Variants in SCN7A observed in about 807,000 individuals in gnomAD.
The protein encoded by SCN7A is sodium voltage-gated channel alpha subunit 7.
SCN7A carries 138 observed loss-of-function variants against 155.2 expected under a neutral mutation model. The ratio of observed to expected loss-of-function variants is 0.89; its 90% CI spans 0.77 to 1.02. The LOEUF is 1.02. Ranked by LOEUF, SCN7A falls within the 50% of genes least tolerant of loss-of-function variation. The pLI is 0.00. For missense variants in SCN7A, 2,058 were observed against 1,986.6 expected, an observed-to-expected ratio of 1.04 and a Z score of -0.68; for synonymous variants, 693 against 649.0, an observed-to-expected ratio of 1.07 and a Z score of -1.03.
chr2:166,478,362 C>A (rs1345613708), intron 2 of SCN7A, among the ~76,000 whole-genome samples: 3 of 150,958 alleles, frequency 2.0e-5, no homozygotes, highest in Non-Finnish European at 4.4e-5. Context: ...ACTCTGATAT[C>A]TCTTAAGGGT....
At chr2:166,438,359 G>A (rs1701882168) in intron 15 of SCN7A, among the ~76,000 whole-genome samples, 1 of 152,104 alleles carries the variant, frequency 6.6e-6, no homozygotes, top group African/African-American at 2.4e-5. Context: ...ATGTAAATGT[G>A]AGTCAATTAA....
chr2:166,433,413 T>C (rs1283909332), intron 15 of SCN7A, among the ~76,000 whole-genome samples: 1 of 152,138 alleles, frequency 6.6e-6, no homozygotes, highest in Admixed American at 6.6e-5. Context: ...TCAGTTCTTA[T>C]CCACCTACCA....
intron 16 of SCN7A, among the ~76,000 whole-genome samples, chr2:166,429,739 T>C (rs919929361): frequency 6.6e-6 from 1 of 152,042 alleles, no homozygotes; most frequent in Admixed American, 6.6e-5. Context: ...GATGGTCTTA[T>C]GTATGTCATC....
At chr2:166,446,876 G>A (rs923352678) in intron 12 of SCN7A, among the ~76,000 whole-genome samples, 1 of 152,190 alleles carries the variant, frequency 6.6e-6, no homozygotes, top group East Asian at 1.9e-4. Flanking sequence ...CCTGTCGGTG[G>A]GTAGGGGGCA....
chr2:166,410,270 G>A lies in SCN7A; in HGVS notation c.3661C>T (p.Leu1221=). The change falls in exon 24 of 26, where the codon CTG becomes TTG. Residue 1221 remains leucine, a synonymous_variant. Transcript: ENST00000643258. Reference sequence around the variant, plus strand: ...GAATCCTCATACATTAGCTTCTTCAGCCTGCGGTACTGTTTTCTCTGTTTA... The same window carrying A: ...GAATCCTCATACATTAGCTTCTTCAACCTGCGGTACTGTTTTCTCTGTTTA... The part of the protein sequence containing the change: ...TVKQRKQYRR[L]KKLMYEDSQR... The A allele has an allele frequency of 6.4e-7, 1 of 1,556,746 alleles. No homozygotes were observed. Among genetic ancestry groups the A allele is most frequent in the South Asian group, 1.2e-5 (1 of 84,388 alleles).
At chr2:166,412,053 G>A (rs1284518386) in intron 23 of SCN7A, among the ~76,000 whole-genome samples, 1 of 151,960 alleles carries the variant, frequency 6.6e-6, no homozygotes. Flanking sequence ...GTCTTACTGG[G>A]TTCAAGCACT....
Position 166,457,067 on chromosome 2 carries a change from C to G in SCN7A, c.1093G>C (p.Ala365Pro). Reference protein sequence around the residue: ...PEVLYHQILYASGKVYMIFFV... With the variant: ...PEVLYHQILYPSGKVYMIFFV... ...AATATCATGTAGACCTTCCCAGAAG[C>G]ATAAAGTATCTAAGGAAAGGTAGAA... Residue 365 changes from alanine (A) to proline (P), a missense_variant, in exon 11 of 26, where the codon GCT (alanine) becomes CCT (proline). Ala to Pro is a conservative substitution (Grantham distance 27). Transcript: ENST00000643258. 1 of 1,601,550 alleles carries G rather than the reference C, an allele frequency of 6.2e-7. No homozygotes were observed. Among genetic ancestry groups the G allele is most frequent in the South Asian group, 1.1e-5 (1 of 89,362 alleles).
intron 10 of SCN7A, 142 bp from the exon 11 acceptor site, chr2:166,457,218 C>A (rs943608705): frequency 3.2e-6 from 2 of 616,562 alleles, no homozygotes; most frequent in Admixed American, 3.1e-5. Context: ...TGTTTAAGCA[C>A]TGGCTCCACC....
chr2:166,465,713 T>G, intron 8 of SCN7A, 68 bp downstream of exon 8: 1 of 1,523,610 alleles, frequency 6.6e-7, no homozygotes, highest in Non-Finnish European at 9.1e-7. Flanking sequence ...GTTCAACATT[T>G]CTGGGAAGAC....
intron 9 of SCN7A, 33 bp from the exon 10 acceptor site, chr2:166,462,563 A>T: frequency 6.2e-7 from 1 of 1,602,398 alleles, no homozygotes; most frequent in Non-Finnish European, 8.5e-7. Context: ...CCTGCTTACT[A>T]TTAGGTGACT....
At position 166,430,095 on chromosome 2, in the gene SCN7A, T is replaced by A. The variant is rs193289723; in HGVS notation, c.2593-821A>T. ...TAATATTTTCTAATTAAAACAAAAA[T>A]TAAGGCAAGCGCATTTTAACATTTG... On this transcript the variant is annotated intron_variant, in intron 16 of 25. Transcript: ENST00000643258. 7.9e-5 allele frequency among the ~76,000 whole-genome samples: 12 copies of A among 152,064 alleles called. No individual in the cohort carries two copies. The East Asian group carries it at 9.7e-4, about 12-fold the overall frequency.
At chr2:166,439,305 C>G (rs1253532682) in intron 15 of SCN7A, among the ~76,000 whole-genome samples, 1 of 151,778 alleles carries the variant, frequency 6.6e-6, no homozygotes, top group Non-Finnish European at 1.5e-5. Context: ...ATTCCACACC[C>G]TGGGCAATGG....
At chr2:166,424,144 A>C (rs951664497) in intron 18 of SCN7A, among the ~76,000 whole-genome samples, 5 of 152,146 alleles carry the variant, frequency 3.3e-5, no homozygotes, top group African/African-American at 4.8e-5. Flanking sequence ...CCTACTGTTA[A>C]ATGGAAGTAA....
At position 166,444,812 on chromosome 2, in the gene SCN7A, G is replaced by A. The variant is rs754539641; in HGVS notation, c.1576C>T (p.His526Tyr). The change falls in exon 13 of 26, where the codon CAT becomes TAT. Residue 526 changes from histidine to tyrosine, a missense_variant. Transcript: ENST00000643258. ...ILNVCFLTLE[H>Y]YPMSKQTNTL... ...TTAGTTTGTTTACTCATTGGATAATGCTCCAAGGTCAGAAAACATACGTTT... is the reference window on the plus strand; with the variant it reads ...TTAGTTTGTTTACTCATTGGATAATACTCCAAGGTCAGAAAACATACGTTT... 6.2e-7 allele frequency: 1 copy of A among 1,606,636 alleles called. No individual in the cohort carries two copies. Among genetic ancestry groups the A allele is most frequent in the Non-Finnish European group, 8.5e-7 (1 of 1,175,448 alleles).
intron 20 of SCN7A, among the ~76,000 whole-genome samples, chr2:166,419,209 AAG>A (rs773312758): frequency 2.0e-5 from 3 of 152,054 alleles, no homozygotes; most frequent in Admixed American, 1.3e-4. Flanking sequence ...GAAAATAAAA[AAG>A]AGTTTATTTT....
At chr2:166,433,738 A>C (rs1176257036) in intron 15 of SCN7A, among the ~76,000 whole-genome samples, 1 of 152,152 alleles carries the variant, frequency 6.6e-6, no homozygotes, top group African/African-American at 2.4e-5. Context: ...TTATATGGGG[A>C]AAGAGCTACC....
rs375208870 is a variant in SCN7A, at chr2:166,439,055, G to GTGTGTGTATA, written c.2157+2340_2157+2341insTATACACACA. Among the ~76,000 whole-genome samples, 91 of 113,404 alleles carry GTGTGTGTATA rather than the reference G, an allele frequency of 8.0e-4. 1 individual carries two copies. Among genetic ancestry groups the GTGTGTGTATA allele is most frequent in the South Asian group, 1.8e-3 (6 of 3,426 alleles). 74.4% of individuals were successfully genotyped at this position (113,404 alleles called of 152,430 possible). On this transcript the variant is annotated intron_variant, in intron 15 of 25. Coordinates refer to ENST00000643258, the MANE Select transcript of SCN7A (RefSeq NM_002976.4). ...CACATACATATATGTGTGTGTGTGT[G>GTGTGTGTATA]TATATATATATATATATATATATAG... is the stretch of plus-strand genomic sequence containing the variant.
At chr2:166,428,077 T>C (rs941058692) in intron 17 of SCN7A, 135 bp from the exon 18 acceptor site, 24 of 965,310 alleles carry the variant, frequency 2.5e-5, no homozygotes, top group Non-Finnish European at 3.5e-5. Flanking sequence ...TTTATAAACA[T>C]TTAATTTTTA....
intron 1 of SCN7A, among the ~76,000 whole-genome samples, chr2:166,492,155 G>C (rs1384294668): frequency 3.9e-5 from 6 of 152,164 alleles, no homozygotes; most frequent in African/African-American, 1.4e-4. Flanking sequence ...TGAAGTGCTT[G>C]GCTCTGCCTC....
Sources: allele counts gnomAD v4.1 joint callset (sites outside exome capture counted in the v4.1 genomes callset), GRCh38; gene constraint gnomAD v4.1.1; transcripts MANE v1.5; gene names NCBI Gene and HGNC (gene_info 2026-07-23, HGNC 2026-07-21).